CCSAP: variants seen among roughly 807,000 people sequenced by gnomAD.
CCSAP encodes the protein centriole, cilia and spindle associated protein, also known as centriole, cilia and spindle-associated protein.
CCSAP carries 17 observed loss-of-function variants against 25.9 expected under a neutral mutation model. The observed-to-expected ratio is 0.66, with a 90% CI of 0.45 to 0.99. The LOEUF (loss-of-function observed/expected upper bound fraction) is 0.99, where lower values mean the gene tolerates loss of function less well. Ranked by LOEUF, CCSAP falls within the 50% of genes least tolerant of loss-of-function variation. CCSAP has a pLI of 0.00. For synonymous variants in CCSAP, 169 were observed against 157.1 expected, an observed-to-expected ratio of 1.08 and a Z score of -0.57; for missense variants, 339 against 367.8, an observed-to-expected ratio of 0.92 and a Z score of 0.64.
At chr1:229,326,121 G>A (rs562177297) in intron 3 of CCSAP, among the ~76,000 whole-genome samples, 1 of 152,320 alleles carries the variant, frequency 6.6e-6, no homozygotes, top group East Asian at 1.9e-4. Flanking sequence ...CACACATGAA[G>A]GTCCTCTCAT....
chr1:229,339,015 C>A, intron 2 of CCSAP, among the ~76,000 whole-genome samples: 1 of 142,416 alleles, frequency 7.0e-6, no homozygotes, highest in Middle Eastern at 3.7e-3. Context: ...GAAAATCTGT[C>A]AAGAAAAAAC....
rs773989155 is a variant in CCSAP at position 229,342,392 on chromosome 1, G to A, written c.74C>T (p.Pro25Leu). The change falls in exon 2 of 4, where the codon CCG (proline) becomes CTG (leucine). Residue 25 changes from proline to leucine, a missense_variant. Transcript: ENST00000284617. The surrounding 1 kb of genome is among the most constrained non-coding windows in gnomAD (Gnocchi z 7.5). The stretch of plus-strand genomic sequence containing the variant: ...GTAGTGCAGCAGCTCGCGGTAGCAC[G>A]GCCCGTACTCCTCCCAGCGCGGCTC... ...YQEPRWEEYG[P>L]CYRELLHYRL... 5.3e-6 allele frequency: 8 copies of A among 1,496,416 alleles called. No homozygotes were observed. Among genetic ancestry groups the A allele is most frequent in the Non-Finnish European group, 7.1e-6 (8 of 1,120,294 alleles). 92.7% of individuals were successfully genotyped at this position (1,496,416 alleles called of 1,614,324 possible).
In CCSAP at chr1:229,326,958, G is replaced by T. The variant is rs1173345468; in HGVS notation, c.416C>A (p.Thr139Lys). ...VEDKPEQQTR[T>K]RETDKSPTST... is the part of the protein sequence containing the mutation. ...GGTGGGTGATTTGTCAGTCTCTCTT[G>T]TTCTGGTTTGTTGTTCAGGTTTATC... Residue 139 changes from threonine (T) to lysine (K), a missense_variant, in exon 3 of 4, where the codon ACA becomes AAA. Physicochemically the swap from Thr to Lys is moderately conservative, Grantham distance 78. Transcript: ENST00000284617. 1.9e-6 allele frequency: 3 copies of T among 1,614,088 alleles called. No homozygotes were observed. The highest frequency in any genetic ancestry group is 8.5e-7 in the Non-Finnish European group (1 of 1,179,988).
intron 2 of CCSAP, chr1:229,327,651 C>T (rs146876951): frequency 0.012 from 5,348 of 451,990 alleles, 236 homozygotes; most frequent in East Asian, 0.11. Flanking sequence ...GAGCGGATCA[C>T]GAGGTCAGGA....
intron 2 of CCSAP, among the ~76,000 whole-genome samples, chr1:229,333,155 G>C (rs1043390489): frequency 1.3e-5 from 2 of 152,068 alleles, no homozygotes; most frequent in Non-Finnish European, 2.9e-5. Context: ...TTTCTAGGCC[G>C]GGCGCGGTGG....
chr1:229,341,455 C>T (rs1658332188), intron 2 of CCSAP, among the ~76,000 whole-genome samples: 2 of 152,176 alleles, frequency 1.3e-5, no homozygotes, highest in South Asian at 4.1e-4. Flanking sequence ...GGGGCCATGC[C>T]TTGAAAACAC....
rs1242559788 is a variant in CCSAP at position 229,322,350 on chromosome 1, C to T, written c.*2885G>A. The T allele has an allele frequency of 2.0e-5, 3 of 152,154 alleles. No individual in the cohort carries two copies. Among genetic ancestry groups the T allele is most frequent in the African/African-American group, 7.2e-5 (3 of 41,424 alleles). The allele number at this position is 152,154 out of a possible 1,614,324, so 9.4% of individuals were successfully genotyped here. ...GTATAAATACCCTTCAAGTTGCTAG[C>T]AATTGATCTTCGATGAAACACAATG... On this transcript the variant is annotated 3_prime_UTR_variant, in exon 4 of 4. Transcript: ENST00000284617.
chr1:229,337,678 A>AAAAAAAATATAT, intron 2 of CCSAP, among the ~76,000 whole-genome samples: 2 of 65,514 alleles, frequency 3.1e-5, no homozygotes, highest in Admixed American at 3.7e-4. Context: ...CTCAAAAAAA[A>AAAAAAAATATAT]ATATATATAT....
At chr1:229,334,843 G>T (rs1658160228) in intron 2 of CCSAP, among the ~76,000 whole-genome samples, 1 of 152,160 alleles carries the variant, frequency 6.6e-6, no homozygotes, top group Non-Finnish European at 1.5e-5. Context: ...GGAAAAAAAG[G>T]TATAAAGCCA....
Position 229,341,193 on chromosome 1 carries a change from C to CAAAAAAAAAAAAAAAAAA in CCSAP, c.367+888_367+905dup, listed in dbSNP as rs71561730. ...TGGGCCACAGAGCGAGACTCCGTCT[C>CAAAAAAAAAAAAAAAAAA]AAAAAAAAAAAAAAAAAAAGATTAC... On this transcript the variant is annotated intron_variant, in intron 2 of 3. Transcript: ENST00000284617. Among the ~76,000 whole-genome samples, 75 of 91,090 alleles carry CAAAAAAAAAAAAAAAAAA rather than the reference C, an allele frequency of 8.2e-4. 2 individuals are homozygous for CAAAAAAAAAAAAAAAAAA. The highest frequency in any genetic ancestry group is 3.5e-3 in the African/African-American group (73 of 20,774). 59.8% of individuals were successfully genotyped at this position (91,090 alleles called of 152,430 possible).
chr1:229,341,428 G>A (rs1345351294), intron 2 of CCSAP, among the ~76,000 whole-genome samples: 5 of 152,214 alleles, frequency 3.3e-5, no homozygotes, highest in Non-Finnish European at 5.9e-5. Flanking sequence ...AAGCCTCTGG[G>A]CAGGAAAGAA....
chr1:229,327,867 CAA>C (rs765651478), intron 2 of CCSAP, among the ~76,000 whole-genome samples: 40 of 91,774 alleles, frequency 4.4e-4, no homozygotes, highest in Non-Finnish European at 6.3e-4. Context: ...GACTCCGTCT[CAA>C]AAAAAAAAAA....
At chr1:229,339,095 G>GAAA (rs11328051) in intron 2 of CCSAP, among the ~76,000 whole-genome samples, 3 of 134,740 alleles carry the variant, frequency 2.2e-5, no homozygotes, top group East Asian at 2.1e-4. Flanking sequence ...AAAGAAATGG[G>GAAA]AAAAAAAAAA....
At chr1:229,336,768 A>T (rs541311159) in intron 2 of CCSAP, among the ~76,000 whole-genome samples, 1 of 152,230 alleles carries the variant, frequency 6.6e-6, no homozygotes, top group Non-Finnish European at 1.5e-5. Context: ...CTCTGAAAAG[A>T]TATTTCTGGC....
Position 229,342,091 on chromosome 1 carries a change from C to T in CCSAP, c.367+8G>A. 1 of 1,338,340 alleles carries T rather than the reference C, an allele frequency of 7.5e-7. No individual in the cohort carries two copies. The allele number at this position is 1,338,340 out of a possible 1,614,324, so 82.9% of individuals were successfully genotyped here. On this transcript the variant is annotated splice_region_variant and intron_variant, in intron 2 of 3. Transcript: ENST00000284617. The surrounding 1 kb of genome is among the most constrained non-coding windows in gnomAD (Gnocchi z 7.5). ...CAGGCCCCTCGCGCTCCCCTCCGGG[C>T]CGGGTACCTGGCAGAGCCGCGTCCT... is the stretch of plus-strand genomic sequence containing the variant.
chr1:229,330,490 G>T (rs1658041352), intron 2 of CCSAP, among the ~76,000 whole-genome samples: 1 of 152,190 alleles, frequency 6.6e-6, no homozygotes, highest in African/African-American at 2.4e-5. Context: ...AGCAGAGGAA[G>T]GGTAGCAAAA....
At chr1:229,326,670 A>C in intron 3 of CCSAP, 68 bp downstream of exon 3, 2 of 1,579,536 alleles carry the variant, frequency 1.3e-6, no homozygotes, top group Admixed American at 3.5e-5. Flanking sequence ...ACGATGCCCG[A>C]TGACAGGCGC....
chr1:229,325,428 A>G lies in CCSAP; in HGVS notation c.637-17T>C, dbSNP rs777436638. On this transcript the variant is annotated splice_polypyrimidine_tract_variant and intron_variant, in intron 3 of 3. Transcript: ENST00000284617. ...TTCATGAATCTAAAGAGAGTTCAAAATAAAGGATAGTAACTTAAGGGGCTA... is the reference window on the plus strand; with the variant it reads ...TTCATGAATCTAAAGAGAGTTCAAAGTAAAGGATAGTAACTTAAGGGGCTA... 1.9e-6 allele frequency: 3 copies of G among 1,606,444 alleles called. No individual in the cohort carries two copies. The Admixed American group carries it at 5.2e-5, about 28-fold the overall frequency.
chr1:229,339,665 C>T (rs1049921675), intron 2 of CCSAP, among the ~76,000 whole-genome samples: 1 of 152,186 alleles, frequency 6.6e-6, no homozygotes, highest in African/African-American at 2.4e-5. Context: ...GAGCAGCAGC[C>T]AGCCCAGACA....
Sources: allele counts gnomAD v4.1 joint callset (sites outside exome capture counted in the v4.1 genomes callset), GRCh38; gene constraint gnomAD v4.1.1; non-coding constraint Gnocchi (gnomAD v3.1); transcripts MANE v1.5; gene names NCBI Gene and HGNC (gene_info 2026-07-23, HGNC 2026-07-21).